The following IL20RB variants were observed in gnomAD, a reference collection of about 807,000 sequenced individuals.
IL20RB encodes interleukin-20 receptor subunit beta.
In IL20RB, 21 loss-of-function variants were observed where a neutral mutation model predicts 33.3. The ratio of observed to expected loss-of-function variants is 0.63; its 90% CI spans 0.45 to 0.91. The LOEUF is 0.91. IL20RB is among the 40% of genes least tolerant of loss of function. The probability of loss-of-function intolerance (pLI) is 0.00; values close to 1 mark genes in which losing one functional copy is unlikely to be tolerated. For missense variants in IL20RB, 345 were observed against 384.8 expected (o/e 0.90, Z 0.86); for synonymous variants, 147 against 146.8 (o/e 1.00, Z -0.01).
chr3:136,989,418 C>T (rs1407781465), intron 3 of IL20RB, 23 bp from the exon 4 acceptor site: 1 of 1,612,846 alleles, frequency 6.2e-7, no homozygotes, highest in Non-Finnish European at 8.5e-7. Context: ...CTGGCTTTGA[C>T]TCTCCTGTTG....
intron 1 of IL20RB, among the ~76,000 whole-genome samples, chr3:136,961,799 G>T (rs1941223731): frequency 6.6e-6 from 1 of 152,154 alleles, no homozygotes; most frequent in Non-Finnish European, 1.5e-5. Flanking sequence ...GGTGAAGGAT[G>T]TATAGGAATG....
intron 6 of IL20RB, among the ~76,000 whole-genome samples, chr3:137,000,699 T>C (rs1460385109): frequency 1.3e-5 from 2 of 152,190 alleles, no homozygotes; most frequent in South Asian, 2.1e-4. Context: ...ATGGTAATGG[T>C]AGGGAGCATT....
intron 1 of IL20RB, among the ~76,000 whole-genome samples, chr3:136,970,173 G>A (rs996887914): frequency 6.6e-6 from 1 of 151,768 alleles, no homozygotes; most frequent in African/African-American, 2.4e-5. Flanking sequence ...GCTCACTGCG[G>A]TCTCAACCTC....
chr3:136,987,551 CG>C (rs1941934609), intron 3 of IL20RB, among the ~76,000 whole-genome samples: 1 of 152,226 alleles, frequency 6.6e-6, no homozygotes, highest in Non-Finnish European at 1.5e-5. Context: ...CCAGGGCTGC[CG>C]GTGGAGCTGC....
chr3:136,978,352 G>T (rs1941680324), intron 1 of IL20RB, among the ~76,000 whole-genome samples: 1 of 151,946 alleles, frequency 6.6e-6, no homozygotes, highest in South Asian at 2.1e-4. Context: ...TTTTAGTAGA[G>T]ACTGGGTTTC....
chr3:136,971,175 G>C (rs1427837460), intron 1 of IL20RB, among the ~76,000 whole-genome samples: 2 of 151,914 alleles, frequency 1.3e-5, no homozygotes, highest in Non-Finnish European at 2.9e-5. Flanking sequence ...CTGTTGCCCA[G>C]GCTGGAGTGC....
At position 136,991,971 on chromosome 3, in the gene IL20RB, C is replaced by A. The variant is rs1942041414; in HGVS notation, c.565C>A (p.Pro189Thr). Residue 189 changes from proline to threonine, a missense_variant, in exon 5 of 7, where the codon CCA becomes ACA. Coordinates refer to ENST00000329582, the MANE Select transcript of IL20RB (RefSeq NM_144717.4). ...HVKMVRSGGI[P>T]VHLETMEPGA... ...CAAAATGGTGAGGAGTGGGGGTATT[C>A]CAGTGCACCTAGAAACCATGGAGCC... 2 of 1,614,158 alleles carry A rather than the reference C, an allele frequency of 1.2e-6. No individual in the cohort carries two copies. The highest frequency in any genetic ancestry group is 8.5e-7 in the Non-Finnish European group (1 of 1,180,022).
intron 6 of IL20RB, among the ~76,000 whole-genome samples, chr3:137,005,719 A>G (rs1448057047): frequency 6.6e-6 from 1 of 152,110 alleles, no homozygotes; most frequent in Non-Finnish European, 1.5e-5. Context: ...ACTCTATCCA[A>G]TTTGCCAGTC....
At chr3:137,000,501 G>A (rs1420184334) in intron 6 of IL20RB, among the ~76,000 whole-genome samples, 1 of 152,230 alleles carries the variant, frequency 6.6e-6, no homozygotes, top group Admixed American at 6.5e-5. Flanking sequence ...AACTCACCCA[G>A]TGACATTCCC....
At chr3:136,971,207 T>C (rs1213280320) in intron 1 of IL20RB, among the ~76,000 whole-genome samples, 1 of 152,088 alleles carries the variant, frequency 6.6e-6, no homozygotes, top group Non-Finnish European at 1.5e-5. Flanking sequence ...CTGGGCTCAC[T>C]GCAACCTCTG....
chr3:136,972,076 C>G (rs1169171150), intron 1 of IL20RB, among the ~76,000 whole-genome samples: 1 of 152,152 alleles, frequency 6.6e-6, no homozygotes, highest in African/African-American at 2.4e-5. Context: ...ATTTGCATTT[C>G]TCTGATGGTT....
chr3:136,969,775 T>TA (rs1941423793), intron 1 of IL20RB, among the ~76,000 whole-genome samples: 3 of 151,976 alleles, frequency 2.0e-5, no homozygotes, highest in Non-Finnish European at 2.9e-5. Context: ...AGTGGTTTGC[T>TA]GTTTTTTTTT....
chr3:136,986,628 GC>G, intron 3 of IL20RB: 3 of 455,894 alleles, frequency 6.6e-6, no homozygotes, highest in South Asian at 4.7e-5. Context: ...CAACAAGCAG[GC>G]ATAAACACTT....
intron 1 of IL20RB, among the ~76,000 whole-genome samples, chr3:136,960,577 C>CA: frequency 6.6e-6 from 1 of 152,332 alleles, no homozygotes; most frequent in Non-Finnish European, 1.5e-5. Flanking sequence ...TCTGAGTACA[C>CA]ATTGTGCCTT....
At chr3:136,990,668 G>T (rs1942014436) in intron 4 of IL20RB, among the ~76,000 whole-genome samples, 1 of 152,186 alleles carries the variant, frequency 6.6e-6, no homozygotes, top group Non-Finnish European at 1.5e-5. Flanking sequence ...CTGGTAGCCA[G>T]CTCGCCTCTG....
Position 136,992,032 on chromosome 3 carries a change from T to C in IL20RB, c.626T>C (p.Val209Ala), listed in dbSNP as rs1173393482. The C allele has an allele frequency of 6.2e-7, 1 of 1,614,198 alleles. No homozygotes were observed. Among genetic ancestry groups the C allele is most frequent in the Non-Finnish European group, 8.5e-7 (1 of 1,180,040 alleles). ...AAYCVKAQTF[V>A]KAIGRYSAFS... ...TACTGTGTGAAGGCCCAGACATTCG[T>C]GAAGGCCATTGGGAGGTACAGCGCC... The change falls in exon 5 of 7, where the codon GTG (valine) becomes GCG (alanine). Residue 209 changes from valine (V) to alanine (A), a missense_variant. Physicochemically the swap from Val to Ala is moderately conservative, Grantham distance 64. Transcript: ENST00000329582.
intron 1 of IL20RB, among the ~76,000 whole-genome samples, chr3:136,970,961 A>G (rs1053171436): frequency 6.6e-6 from 1 of 150,936 alleles, no homozygotes; most frequent in African/African-American, 2.4e-5. Context: ...CTTATTTTCT[A>G]TTTTCTTTAT....
At chr3:136,962,358 G>A (rs796071538) in intron 1 of IL20RB, among the ~76,000 whole-genome samples, 44 of 152,274 alleles carry the variant, frequency 2.9e-4, no homozygotes, top group African/African-American at 9.6e-4. Context: ...CTCCCTGTGA[G>A]TGTCTGGAAA....
chr3:136,958,485 C>T lies in IL20RB; in HGVS notation c.88+284C>T, dbSNP rs536821897. Among the ~76,000 whole-genome samples the T allele has an allele frequency of 1.4e-4, 21 of 152,304 alleles. No individual in the cohort carries two copies. The South Asian group carries it at 4.4e-3, about 32-fold the overall frequency. Reference sequence around the variant, plus strand: ...CTGTGCACTTTGTTACTTATCTCATCGTCTGGTTTTATATAGTGCAATGTA... The same window carrying T: ...CTGTGCACTTTGTTACTTATCTCATTGTCTGGTTTTATATAGTGCAATGTA... On this transcript the variant is annotated intron_variant, in intron 1 of 6. Coordinates refer to ENST00000329582, the MANE Select transcript of IL20RB (RefSeq NM_144717.4).
Sources: allele counts gnomAD v4.1 joint callset (sites outside exome capture counted in the v4.1 genomes callset), GRCh38; gene constraint gnomAD v4.1.1; transcripts MANE v1.5; gene names NCBI Gene and HGNC (gene_info 2026-07-23, HGNC 2026-07-21).